Variants in TRIT1 observed in about 807,000 individuals in gnomAD.
TRIT1 encodes the protein tRNA dimethylallyltransferase.
A neutral mutation model predicts 51.2 loss-of-function variants in TRIT1; 43 were observed. The observed-to-expected ratio is 0.84, with a 90% CI of 0.66 to 1.08. The LOEUF (loss-of-function observed/expected upper bound fraction) is 1.08, where lower values mean the gene tolerates loss of function less well. TRIT1 is among the 50% of genes least tolerant of loss of function. TRIT1 has a pLI of 0.00. For missense variants in TRIT1, 528 were observed against 578.4 expected (o/e 0.91, Z 0.89); for synonymous variants, 184 against 203.9 (o/e 0.90, Z 0.83).
intron 4 of TRIT1, 84 bp from the exon 5 acceptor site, chr1:39,850,345 G>A: frequency 6.6e-7 from 1 of 1,526,332 alleles, no homozygotes; most frequent in Non-Finnish European, 8.9e-7. Context: ...CAAGGAGAAA[G>A]GCTGTTTATT....
chr1:39,840,994 G>A lies in TRIT1; in HGVS notation c.*750C>T, dbSNP rs1641858121. 1 of 152,182 alleles carries A rather than the reference G, an allele frequency of 6.6e-6. No individual in the cohort carries two copies. Among genetic ancestry groups the A allele is most frequent in the African/African-American group, 2.4e-5 (1 of 41,448 alleles). 9.4% of individuals were successfully genotyped at this position (152,182 alleles called of 1,614,324 possible). A position where few individuals can be genotyped will look rare whatever the true frequency, so the allele number is the denominator to read the frequency against. On this transcript the variant is annotated 3_prime_UTR_variant, in exon 11 of 11. Coordinates refer to ENST00000316891, the MANE Select transcript of TRIT1 (RefSeq NM_017646.6). Reference sequence around the variant, plus strand: ...AAAAAGCTATCACATTGATAACAGAGCATACTGTGTATAAACTAGGCATGG... The same window carrying A: ...AAAAAGCTATCACATTGATAACAGAACATACTGTGTATAAACTAGGCATGG...
intron 1 of TRIT1, among the ~76,000 whole-genome samples, chr1:39,870,209 C>G (rs1426894818): frequency 6.6e-6 from 1 of 152,160 alleles, no homozygotes; most frequent in Non-Finnish European, 1.5e-5. Flanking sequence ...TATGGCCTTA[C>G]CCCCAACCCC....
chr1:39,863,318 A>G (rs1181508536), intron 1 of TRIT1, among the ~76,000 whole-genome samples: 2 of 152,194 alleles, frequency 1.3e-5, no homozygotes, highest in Non-Finnish European at 2.9e-5. Flanking sequence ...TTTAAAAATT[A>G]GTTGGGTGTG....
intron 3 of TRIT1, 62 bp from the exon 4 acceptor site, chr1:39,852,938 A>G: frequency 2.6e-6 from 4 of 1,561,072 alleles, no homozygotes; most frequent in Non-Finnish European, 3.5e-6. Context: ...TGTATGTGCC[A>G]GGCACTTTGC....
chr1:39,881,217 ACT>A (rs1557592832), intron 1 of TRIT1, among the ~76,000 whole-genome samples: 1 of 145,780 alleles, frequency 6.9e-6, no homozygotes, highest in East Asian at 2.0e-4. Flanking sequence ...CAAGAGCGAA[ACT>A]CTGTCTCCAA....
At chr1:39,842,483 G>C (rs954404117) in intron 10 of TRIT1, among the ~76,000 whole-genome samples, 2 of 152,162 alleles carry the variant, frequency 1.3e-5, no homozygotes, top group African/African-American at 4.8e-5. Flanking sequence ...ACGACTCTCT[G>C]GCAAGATTCC....
At chr1:39,866,064 G>A (rs1266027212) in intron 1 of TRIT1, among the ~76,000 whole-genome samples, 1 of 139,572 alleles carries the variant, frequency 7.2e-6, no homozygotes, top group Non-Finnish European at 1.5e-5. Context: ...AAGGGAAGAG[G>A]GAGAGAGGGA....
chr1:39,851,948 T>TA (rs34860273), intron 4 of TRIT1, among the ~76,000 whole-genome samples: 12,499 of 126,250 alleles, frequency 0.099, 895 homozygotes, highest in East Asian at 0.29. Flanking sequence ...CTCTATCTCT[T>TA]AAAAAAAAAA....
Position 39,844,120 on chromosome 1 carries a change from A to G in TRIT1, c.1215T>C (p.Ile405=), listed in dbSNP as rs539687870. The G allele has an allele frequency of 6.1e-5, 99 of 1,613,952 alleles. No individual in the cohort carries two copies. In the South Asian group the frequency reaches 1.0e-3, roughly 17 times the overall value. Residue 405 remains isoleucine, a synonymous_variant, in exon 10 of 11, where the codon ATT becomes ATC. Coordinates refer to ENST00000316891, the MANE Select transcript of TRIT1 (RefSeq NM_017646.6). The stretch of plus-strand genomic sequence containing the variant: ...CTCTACCTGCCCATTCGCGATCCCC[A>G]ATGATGATTCGATCACAGAGGTCAC... ...HLCDLCDRII[I]GDREWAAHIK...
chr1:39,851,881 A>C (rs1642596069), intron 4 of TRIT1, among the ~76,000 whole-genome samples: 1 of 151,818 alleles, frequency 6.6e-6, no homozygotes, highest in Admixed American at 6.6e-5. Context: ...CAGGAGGTCA[A>C]GGCTGCAGTG....
rs1643133246 is a variant in TRIT1, at chr1:39,859,728, A to G, written c.175-2311T>C. 2.0e-5 allele frequency among the ~76,000 whole-genome samples: 3 copies of G among 152,232 alleles called. No individual in the cohort carries two copies. In the South Asian group the frequency reaches 6.2e-4, roughly 32 times the overall value. ...TTAGAATTCCAAATGATCCCATTTTAAAGAGCTCACATAGCAACAACTTGA... is the reference window on the plus strand; with the variant it reads ...TTAGAATTCCAAATGATCCCATTTTGAAGAGCTCACATAGCAACAACTTGA... On this transcript the variant is annotated intron_variant, in intron 1 of 10. Transcript: ENST00000316891.
intron 1 of TRIT1, among the ~76,000 whole-genome samples, chr1:39,863,879 A>G (rs1327705802): frequency 6.6e-6 from 1 of 152,156 alleles, no homozygotes; most frequent in African/African-American, 2.4e-5. Flanking sequence ...CAGAATCCAG[A>G]CCCATGGTTC....
intron 1 of TRIT1, among the ~76,000 whole-genome samples, chr1:39,879,600 G>A (rs1190258692): frequency 2.0e-5 from 3 of 152,036 alleles, no homozygotes; most frequent in African/African-American, 4.8e-5. Flanking sequence ...AGTGCCAGGC[G>A]CAGTGTCTCA....
intron 1 of TRIT1, among the ~76,000 whole-genome samples, chr1:39,861,730 C>A (rs1164762849): frequency 6.6e-6 from 1 of 151,998 alleles, no homozygotes; most frequent in East Asian, 1.9e-4. Flanking sequence ...TCGAGACCAG[C>A]CTGACCAATA....
At chr1:39,869,718 A>AC (rs1423527419) in intron 1 of TRIT1, among the ~76,000 whole-genome samples, 1 of 128,284 alleles carries the variant, frequency 7.8e-6, no homozygotes, top group African/African-American at 3.1e-5. Flanking sequence ...CCCAGCCACG[A>AC]CCCCATCTGG....
intron 1 of TRIT1, among the ~76,000 whole-genome samples, chr1:39,881,900 G>C (rs1336271125): frequency 1.3e-5 from 2 of 152,102 alleles, no homozygotes; most frequent in East Asian, 3.9e-4. Context: ...ACATTTATTA[G>C]CTCTGCCTTG....
intron 1 of TRIT1, among the ~76,000 whole-genome samples, chr1:39,878,774 T>C (rs927696871): frequency 2.6e-5 from 4 of 152,230 alleles, no homozygotes; most frequent in East Asian, 1.9e-4. Context: ...TGATACGAAC[T>C]TGACATTAGA....
rs1365266576 is a variant in TRIT1, at chr1:39,839,655, A to G, written c.*2089T>C. Among the ~76,000 whole-genome samples, 2 of 152,146 alleles carry G rather than the reference A, an allele frequency of 1.3e-5. No homozygotes were observed. Among genetic ancestry groups the G allele is most frequent in the Non-Finnish European group, 2.9e-5 (2 of 68,020 alleles). On this transcript the variant is annotated 3_prime_UTR_variant, in exon 11 of 11. Coordinates refer to ENST00000316891, the MANE Select transcript of TRIT1 (RefSeq NM_017646.6). Reference sequence around the variant, plus strand: ...GGAATTTCATTTGGCTGAATTTACAATTTCTAAGAATATGAACAGTGGGCT... The same window carrying G: ...GGAATTTCATTTGGCTGAATTTACAGTTTCTAAGAATATGAACAGTGGGCT...
chr1:39,839,052 G>A lies in TRIT1; in HGVS notation c.*2692C>T, dbSNP rs1652476837. Among the ~76,000 whole-genome samples, 1 of 152,226 alleles carries A rather than the reference G, an allele frequency of 6.6e-6. No homozygotes were observed. The highest frequency in any genetic ancestry group is 6.5e-5 in the Admixed American group (1 of 15,282). ...TACAACAGCACTGCCTGAACTGTGAGAAGTATCTAAAGCCTAATCAAGATT... is the reference window on the plus strand; with the variant it reads ...TACAACAGCACTGCCTGAACTGTGAAAAGTATCTAAAGCCTAATCAAGATT... On this transcript the variant is annotated 3_prime_UTR_variant, in exon 11 of 11. Transcript: ENST00000316891.
Sources: gnomAD v4.1 joint callset for allele counts (sites outside exome capture counted in the v4.1 genomes callset) on GRCh38, gnomAD v4.1.1 for gene constraint, MANE v1.5 for transcripts, NCBI Gene and HGNC (gene_info 2026-07-23, HGNC 2026-07-21) for gene names.